Variants in ROR1 observed in about 807,000 individuals in gnomAD.
ROR1 encodes ROR family WNT receptor 1, also known as inactive tyrosine-protein kinase transmembrane receptor ROR1.
Under a neutral mutation model 78.8 loss-of-function variants are expected in ROR1, and 19 were observed. That is an observed-to-expected ratio of 0.24 (90% CI 0.17 to 0.35). The LOEUF (loss-of-function observed/expected upper bound fraction) is 0.35. Ranked by LOEUF, ROR1 falls within the 10% of genes least tolerant of loss-of-function variation. ROR1 has a pLI of 1.00. For missense variants in ROR1, 917 were observed against 1,177.8 expected (o/e 0.78, Z 3.24); for synonymous variants, 386 against 433.6 (o/e 0.89, Z 1.36).
chr1:63,794,988 G>A (rs1644751234), intron 1 of ROR1, among the ~76,000 whole-genome samples: 1 of 151,678 alleles, frequency 6.6e-6, no homozygotes, highest in Non-Finnish European at 1.5e-5. Context: ...AGAGAGATCT[G>A]CACAGTGACT....
At chr1:63,969,121 G>A (rs1357307342) in intron 1 of ROR1, among the ~76,000 whole-genome samples, 2 of 152,052 alleles carry the variant, frequency 1.3e-5, no homozygotes, top group Non-Finnish European at 2.9e-5. Flanking sequence ...TGTGACCTTG[G>A]ACAGTTTACT....
chr1:63,985,080 A>G (rs1646240451), intron 1 of ROR1, among the ~76,000 whole-genome samples: 1 of 152,066 alleles, frequency 6.6e-6, no homozygotes, highest in Non-Finnish European at 1.5e-5. Context: ...CTCTGGACTA[A>G]TTGCTCTAAG....
intron 1 of ROR1, among the ~76,000 whole-genome samples, chr1:63,846,796 C>T (rs964873526): frequency 4.6e-5 from 7 of 152,194 alleles, no homozygotes; most frequent in African/African-American, 1.4e-4. Context: ...ACTCTGCGCT[C>T]TTATGTTTTG....
Position 64,178,970 on chromosome 1 carries a change from G to A in ROR1, c.*115G>A, listed in dbSNP as rs2100748044. The stretch of plus-strand genomic sequence containing the variant: ...TCTCATTTAGCAGACATCGCAACAA[G>A]TACCTTCTGTGAAGTTTCACTGTGT... On this transcript the variant is annotated 3_prime_UTR_variant, in exon 9 of 9. Transcript: ENST00000371079. The surrounding 1 kb of genome is among the most constrained non-coding windows in gnomAD (Gnocchi z 4.3). The A allele has an allele frequency of 1.7e-6, 1 of 573,526 alleles. No individual in the cohort carries two copies. The highest frequency in any genetic ancestry group is 2.0e-5 in the South Asian group (1 of 49,104). 35.5% of individuals were successfully genotyped at this position (573,526 alleles called of 1,614,324 possible).
At chr1:64,061,925 G>A (rs1348009233) in intron 4 of ROR1, among the ~76,000 whole-genome samples, 1 of 152,132 alleles carries the variant, frequency 6.6e-6, no homozygotes, top group Non-Finnish European at 1.5e-5. Context: ...ACCCTGAGGT[G>A]TTAATCACCC....
At chr1:64,027,415 A>T (rs141269838) in intron 2 of ROR1, among the ~76,000 whole-genome samples, 23 of 152,260 alleles carry the variant, frequency 1.5e-4, no homozygotes, top group African/African-American at 5.5e-4. Flanking sequence ...GCTCCATAAC[A>T]TCAACTTATT....
chr1:63,988,230 G>C (rs1202285315), intron 1 of ROR1, among the ~76,000 whole-genome samples: 1 of 152,176 alleles, frequency 6.6e-6, no homozygotes. Context: ...AGGCTGGGAA[G>C]CTCCAGGATA....
chr1:64,058,647 T>A (rs927190633), intron 4 of ROR1, among the ~76,000 whole-genome samples: 1 of 151,898 alleles, frequency 6.6e-6, no homozygotes, highest in African/African-American at 2.4e-5. Context: ...ATTAATTGAT[T>A]TTTGCATGTT....
chr1:63,932,103 G>C (rs1283203430), intron 1 of ROR1, among the ~76,000 whole-genome samples: 1 of 152,160 alleles, frequency 6.6e-6, no homozygotes, highest in African/African-American at 2.4e-5. Flanking sequence ...ACCTAGCTCA[G>C]GGGCTGGCAC....
At chr1:64,145,126 CA>C (rs992635455) in intron 7 of ROR1, among the ~76,000 whole-genome samples, 7 of 152,122 alleles carry the variant, frequency 4.6e-5, no homozygotes, top group African/African-American at 1.7e-4. Context: ...ACATAGTCAA[CA>C]TATGTAAATA....
chr1:64,136,101 T>C (rs1350263744), intron 4 of ROR1, among the ~76,000 whole-genome samples: 1 of 152,200 alleles, frequency 6.6e-6, no homozygotes, highest in Non-Finnish European at 1.5e-5. Flanking sequence ...GTAAATACTT[T>C]AAGAATAGCC....
intron 1 of ROR1, among the ~76,000 whole-genome samples, chr1:64,007,830 T>G (rs773344631): frequency 1.6e-4 from 24 of 152,168 alleles, no homozygotes; most frequent in Non-Finnish European, 3.2e-4. Context: ...GCTATTAAAT[T>G]TATTAGTCTA....
intron 1 of ROR1, among the ~76,000 whole-genome samples, chr1:63,839,318 T>C (rs1041786064): frequency 6.6e-6 from 1 of 152,106 alleles, no homozygotes; most frequent in East Asian, 1.9e-4. Flanking sequence ...CTGTAATGTT[T>C]TGGTAAAAGA....
chr1:63,777,368 G>A (rs768221385), intron 1 of ROR1, among the ~76,000 whole-genome samples: 7 of 152,156 alleles, frequency 4.6e-5, no homozygotes, highest in Non-Finnish European at 7.3e-5. Context: ...AGCTTTTCTG[G>A]TGAAAACACT....
chr1:64,169,535 C>A (rs1259043865), intron 8 of ROR1, among the ~76,000 whole-genome samples: 4 of 152,148 alleles, frequency 2.6e-5, no homozygotes, highest in African/African-American at 9.7e-5. Context: ...TATGGGAATT[C>A]AAGATGAGAT....
chr1:64,090,912 G>C (rs1285814708), intron 4 of ROR1, among the ~76,000 whole-genome samples: 1 of 152,026 alleles, frequency 6.6e-6, no homozygotes. Context: ...ACTCAGCATG[G>C]GCCTATTGTC....
intron 1 of ROR1, among the ~76,000 whole-genome samples, chr1:63,917,007 T>C (rs1557560094): frequency 6.6e-6 from 1 of 152,136 alleles, no homozygotes; most frequent in East Asian, 1.9e-4. Flanking sequence ...GCCCTTCTGC[T>C]CCCTTCCCCT....
intron 4 of ROR1, among the ~76,000 whole-genome samples, chr1:64,121,194 T>TCCTC (rs1320655074): frequency 1.4e-5 from 2 of 146,920 alleles, no homozygotes; most frequent in Non-Finnish European, 3.0e-5. Flanking sequence ...CTTTCTTCCT[T>TCCTC]CCTCCCTCCC....
intron 1 of ROR1, among the ~76,000 whole-genome samples, chr1:63,840,794 T>C (rs888275534): frequency 6.6e-6 from 1 of 152,206 alleles, no homozygotes; most frequent in Non-Finnish European, 1.5e-5. Flanking sequence ...CACTTTCTGC[T>C]GGGTGAACCG....
Sources: gnomAD v4.1 joint callset for allele counts (sites outside exome capture counted in the v4.1 genomes callset) on GRCh38, gnomAD v4.1.1 for gene constraint, Gnocchi (gnomAD v3.1) non-coding constraint, MANE v1.5 for transcripts, NCBI Gene and HGNC (gene_info 2026-07-23, HGNC 2026-07-21) for gene names.